Variants in SNTB2 observed in about 807,000 individuals in gnomAD.
SNTB2 encodes the protein beta-2-syntrophin.
SNTB2 carries 34 observed loss-of-function variants against 46.2 expected under a neutral mutation model. The observed-to-expected ratio is 0.74, with a 90% CI of 0.56 to 0.98. The LOEUF (loss-of-function observed/expected upper bound fraction) is 0.98, where lower values mean the gene tolerates loss of function less well. Among genes scored for constraint, SNTB2 ranks in the 50% least tolerant of loss-of-function variants. The probability of loss-of-function intolerance (pLI) is 0.00; values close to 1 mark genes in which losing one functional copy is unlikely to be tolerated. For synonymous variants in SNTB2, 290 were observed against 312.6 expected, an observed-to-expected ratio of 0.93 and a Z score of 0.76; for missense variants, 603 against 731.4, an observed-to-expected ratio of 0.82 and a Z score of 2.02.
chr16:69,285,535 A>G (rs1327194689), intron 5 of SNTB2, among the ~76,000 whole-genome samples: 1 of 151,140 alleles, frequency 6.6e-6, no homozygotes, highest in Non-Finnish European at 1.5e-5. Context: ...GCTGGAGTGC[A>G]GTGACATGAT....
chr16:69,308,141 G>T lies in SNTB2; in HGVS notation c.*7217G>T, dbSNP rs185047795. On this transcript the variant is annotated 3_prime_UTR_variant, in exon 7 of 7. Coordinates refer to ENST00000336278, the MANE Select transcript of SNTB2 (RefSeq NM_006750.4). ...AATTAGGTCATGCCTTCAGTGTCTTGTTCTTTAAACCTACCCTTTGACAAT... is the reference window on the plus strand; with the variant it reads ...AATTAGGTCATGCCTTCAGTGTCTTTTTCTTTAAACCTACCCTTTGACAAT... 6.6e-6 allele frequency: 1 copy of T among 152,592 alleles called. No homozygotes were observed. The highest frequency in any genetic ancestry group is 1.5e-5 in the Non-Finnish European group (1 of 68,028). The allele number at this position is 152,592 out of a possible 1,614,324, so 9.5% of individuals were successfully genotyped here. A position where few individuals can be genotyped will look rare whatever the true frequency, so the allele number is the denominator to read the frequency against.
At chr16:69,189,793 A>G (rs1964033355) in intron 1 of SNTB2, among the ~76,000 whole-genome samples, 1 of 152,236 alleles carries the variant, frequency 6.6e-6, no homozygotes, top group South Asian at 2.1e-4. Context: ...TATAGTTTGA[A>G]CCTAGTATTC....
At chr16:69,214,440 A>G (rs115131220) in intron 1 of SNTB2, among the ~76,000 whole-genome samples, 3,498 of 151,512 alleles carry the variant, frequency 0.023, 137 homozygotes, top group African/African-American at 0.08. Flanking sequence ...GACCCACTGC[A>G]CCTGGTCTTA....
intron 1 of SNTB2, among the ~76,000 whole-genome samples, chr16:69,213,822 CTTTTTTTTT>C (rs35759695): frequency 3.3e-5 from 3 of 91,636 alleles, no homozygotes; most frequent in Admixed American, 1.3e-4. Flanking sequence ...TTTTAGAGTT[CTTTTTTTTT>C]TTTTTTTTTT....
chr16:69,205,548 G>A (rs186773505), intron 1 of SNTB2, among the ~76,000 whole-genome samples: 389 of 152,150 alleles, frequency 2.6e-3, no homozygotes, highest in African/African-American at 9.1e-3. Flanking sequence ...TGTAAGGCAA[G>A]AATAAAGGTC....
chr16:69,235,966 A>G (rs1389172526), intron 1 of SNTB2: 1 of 780,470 alleles, frequency 1.3e-6, no homozygotes, highest in Non-Finnish European at 1.7e-6. Flanking sequence ...CTTTCGCATT[A>G]GGATTAATAG....
In SNTB2 at chr16:69,303,297, A is replaced by G. The variant is rs981779310; in HGVS notation, c.*2373A>G. 1.3e-5 allele frequency: 2 copies of G among 152,198 alleles called. No homozygotes were observed. Among genetic ancestry groups the G allele is most frequent in the African/African-American group, 4.8e-5 (2 of 41,448 alleles). 9.4% of individuals were successfully genotyped at this position (152,198 alleles called of 1,614,324 possible). ...GAACCCTCTATGCAGTGAGAGCATT[A>G]TTAATATGAGATGTTGAATGATGCC... On this transcript the variant is annotated 3_prime_UTR_variant, in exon 7 of 7. Coordinates refer to ENST00000336278, the MANE Select transcript of SNTB2 (RefSeq NM_006750.4).
At chr16:69,224,186 TAA>T (rs1964435140) in intron 1 of SNTB2, among the ~76,000 whole-genome samples, 1 of 150,566 alleles carries the variant, frequency 6.6e-6, no homozygotes. Flanking sequence ...TTTCTCCACA[TAA>T]AGTTACTATT....
At chr16:69,298,614 C>G (rs986115082) in intron 5 of SNTB2, among the ~76,000 whole-genome samples, 1 of 150,936 alleles carries the variant, frequency 6.6e-6, no homozygotes, top group Non-Finnish European at 1.5e-5. Flanking sequence ...CTCTGCCTCC[C>G]AGGTGCAAGC....
Position 69,284,133 on chromosome 16 carries a change from A to G in SNTB2, c.1234A>G (p.Ile412Val), listed in dbSNP as rs1310225783. Residue 412 changes from isoleucine to valine, a missense_variant, in exon 5 of 7, where the codon ATT becomes GTT. By Grantham distance (29) the Ile-to-Val change is conservative (BLOSUM62 3). This residue lies in a region of SNTB2 where 537 missense variants were observed against 692.4 expected (regional missense o/e 0.78). Transcript: ENST00000336278. ...TACCAGGACAGGCTCTCGACAGGGC[A>G]TTGAGATGCATCTCTTCAGGGTGGA... The part of the protein sequence containing the change: ...FATRTGSRQG[I>V]EMHLFRVETH... The G allele has an allele frequency of 1.2e-6, 2 of 1,613,918 alleles. No homozygotes were observed. Among genetic ancestry groups the G allele is most frequent in the South Asian group, 1.1e-5 (1 of 91,078 alleles).
At chr16:69,201,567 C>T (rs1054628985) in intron 1 of SNTB2, among the ~76,000 whole-genome samples, 15 of 152,148 alleles carry the variant, frequency 9.9e-5, no homozygotes, top group South Asian at 2.1e-4. Context: ...GGGTGGGTAA[C>T]GTTGCTAAAT....
chr16:69,278,637 G>T (rs1438490949), intron 4 of SNTB2, among the ~76,000 whole-genome samples: 3 of 152,102 alleles, frequency 2.0e-5, no homozygotes, highest in Non-Finnish European at 4.4e-5. Context: ...TGTATTTTTA[G>T]TAGAGATGGG....
In SNTB2 at chr16:69,245,673, G is replaced by A. The variant is rs769920360; in HGVS notation, c.652G>A (p.Ala218Thr). The A allele has an allele frequency of 2.5e-6, 4 of 1,614,078 alleles. 1 individual carries two copies. Among genetic ancestry groups the A allele is most frequent in the Admixed American group, 3.3e-5 (2 of 60,008 alleles). The change falls in exon 2 of 7, where the codon GCA (alanine) becomes ACA (threonine). Residue 218 changes from alanine to threonine, a missense_variant. Ala to Thr is a moderately conservative substitution (Grantham distance 58, BLOSUM62 0). This residue lies in a region of SNTB2 where 537 missense variants were observed against 692.4 expected (regional missense o/e 0.78). Coordinates refer to ENST00000336278, the MANE Select transcript of SNTB2 (RefSeq NM_006750.4). ...SLVSDLPWEG[A>T]APQSPSFSGS... is the part of the protein sequence containing the mutation. ...AGTATCAGATCTGCCGTGGGAAGGT[G>A]CAGCCCCCCAGTCACCAAGCTTTAG...
rs150003681 is a variant in SNTB2, at chr16:69,198,472, T to C, written c.580+10726T>C. ...TCATTGCACGTTCTGCCTCTGCTTCTCTTTAAGGAGTTTGTGTGTGGTTGG... is the reference window on the plus strand; with the variant it reads ...TCATTGCACGTTCTGCCTCTGCTTCCCTTTAAGGAGTTTGTGTGTGGTTGG... On this transcript the variant is annotated intron_variant, in intron 1 of 6. Coordinates refer to ENST00000336278, the MANE Select transcript of SNTB2 (RefSeq NM_006750.4). Among the ~76,000 whole-genome samples, 1,435 of 152,316 alleles carry C rather than the reference T, an allele frequency of 9.4e-3. 15 individuals are homozygous for C. Among genetic ancestry groups the C allele is most frequent in the Non-Finnish European group, 0.012 (791 of 68,034 alleles).
chr16:69,268,480 A>G (rs1213898507), intron 3 of SNTB2, among the ~76,000 whole-genome samples: 1 of 151,774 alleles, frequency 6.6e-6, no homozygotes, highest in Non-Finnish European at 1.5e-5. Context: ...CAATAATAAT[A>G]ATAAATAAAA....
At chr16:69,234,211 T>C (rs1964535076) in intron 1 of SNTB2, among the ~76,000 whole-genome samples, 1 of 152,142 alleles carries the variant, frequency 6.6e-6, no homozygotes, top group Non-Finnish European at 1.5e-5. Context: ...TGTGTGCCTG[T>C]AATCCCAGCT....
At chr16:69,204,364 A>G (rs1369778198) in intron 1 of SNTB2, among the ~76,000 whole-genome samples, 1 of 152,214 alleles carries the variant, frequency 6.6e-6, no homozygotes, top group African/African-American at 2.4e-5. Flanking sequence ...ACTGGGCACC[A>G]GAATCTTTGG....
intron 5 of SNTB2, among the ~76,000 whole-genome samples, chr16:69,295,647 AC>A: frequency 6.6e-6 from 1 of 151,804 alleles, no homozygotes; most frequent in Non-Finnish European, 1.5e-5. Context: ...ATAATGAGCC[AC>A]CTGCAACAGC....
At chr16:69,190,776 G>A (rs766304078) in intron 1 of SNTB2, among the ~76,000 whole-genome samples, 4 of 152,150 alleles carry the variant, frequency 2.6e-5, no homozygotes, top group Non-Finnish European at 5.9e-5. Flanking sequence ...TTTGTTTCTG[G>A]CTAGTGGTTT....
Sources: allele counts gnomAD v4.1 joint callset (sites outside exome capture counted in the v4.1 genomes callset), GRCh38; gene constraint gnomAD v4.1.1; regional missense constraint gnomAD v4.1.1; transcripts MANE v1.5; gene names NCBI Gene and HGNC (gene_info 2026-07-23, HGNC 2026-07-21).